Variants in CDH12 observed in about 807,000 individuals in gnomAD.
CDH12 encodes the protein cadherin-12.
In CDH12, 41 loss-of-function variants were observed where a neutral mutation model predicts 74.1. That is an observed-to-expected ratio of 0.55 (90% CI 0.43 to 0.72). CDH12 has a LOEUF of 0.72. Ranked by LOEUF, CDH12 falls within the 30% of genes least tolerant of loss-of-function variation. The probability of loss-of-function intolerance (pLI) is 0.00; values close to 1 mark genes in which losing one functional copy is unlikely to be tolerated. For missense variants in CDH12, 945 were observed against 977.2 expected (o/e 0.97, Z 0.44); for synonymous variants, 399 against 355.0 (o/e 1.12, Z -1.39).
intron 6 of CDH12, among the ~76,000 whole-genome samples, chr5:21,954,663 G>A (rs967743323): frequency 1.1e-4 from 17 of 151,958 alleles, no homozygotes; most frequent in Non-Finnish European, 2.4e-4. Flanking sequence ...TTGTGTGTGG[G>A]TGCACAATAG....
chr5:22,821,163 G>A (rs1749678908), intron 1 of CDH12, among the ~76,000 whole-genome samples: 1 of 151,970 alleles, frequency 6.6e-6, no homozygotes, highest in Non-Finnish European at 1.5e-5. Flanking sequence ...ATGCAGAAAA[G>A]GCCTTTGACA....
At chr5:22,504,182 G>A (rs911453351) in intron 2 of CDH12, among the ~76,000 whole-genome samples, 1 of 151,846 alleles carries the variant, frequency 6.6e-6, no homozygotes, top group African/African-American at 2.4e-5. Context: ...CATGGGGGGA[G>A]AGGAATTATT....
At chr5:22,643,564 C>T (rs1236506446) in intron 1 of CDH12, among the ~76,000 whole-genome samples, 1 of 152,020 alleles carries the variant, frequency 6.6e-6, no homozygotes, top group Non-Finnish European at 1.5e-5. Flanking sequence ...ACAACTTACT[C>T]AGCATATTCT....
chr5:22,709,250 G>A (rs985379536), intron 1 of CDH12, among the ~76,000 whole-genome samples: 11 of 151,984 alleles, frequency 7.2e-5, no homozygotes, highest in Admixed American at 2.0e-4. Context: ...AATAATAACC[G>A]GAAAAAGATG....
chr5:22,093,093 T>C (rs560500953), intron 4 of CDH12, among the ~76,000 whole-genome samples: 3 of 152,070 alleles, frequency 2.0e-5, no homozygotes, highest in South Asian at 2.1e-4. Context: ...TTTACACAAA[T>C]GATGTTATTA....
At chr5:21,974,120 G>A (rs977548243) in intron 6 of CDH12, among the ~76,000 whole-genome samples, 3 of 152,154 alleles carry the variant, frequency 2.0e-5, no homozygotes, top group Non-Finnish European at 4.4e-5. Flanking sequence ...TCAGGGTAGC[G>A]TGCACAATCT....
chr5:22,608,221 T>G (rs1213365888), intron 1 of CDH12, among the ~76,000 whole-genome samples: 1 of 152,222 alleles, frequency 6.6e-6, no homozygotes, highest in Non-Finnish European at 1.5e-5. Context: ...GCCACAGGGT[T>G]GGAGCTGCCC....
At chr5:22,524,093 C>A (rs938393853) in intron 1 of CDH12, among the ~76,000 whole-genome samples, 4 of 151,674 alleles carry the variant, frequency 2.6e-5, no homozygotes. Flanking sequence ...GGTGATCCAT[C>A]CACCCCAGCC....
chr5:22,340,879 C>T (rs558034259), intron 3 of CDH12, among the ~76,000 whole-genome samples: 1 of 152,124 alleles, frequency 6.6e-6, no homozygotes, highest in Non-Finnish European at 1.5e-5. Flanking sequence ...AATACCTACC[C>T]TTTTCAAAGA....
chr5:22,134,087 G>A (rs1383093745), intron 4 of CDH12, among the ~76,000 whole-genome samples: 1 of 152,040 alleles, frequency 6.6e-6, no homozygotes, highest in Non-Finnish European at 1.5e-5. Context: ...ATAATATTTT[G>A]TTTCATTATG....
At chr5:22,121,639 C>G (rs1396968219) in intron 4 of CDH12, among the ~76,000 whole-genome samples, 3 of 152,148 alleles carry the variant, frequency 2.0e-5, no homozygotes, top group Admixed American at 6.5e-5. Context: ...ATTGTAAATA[C>G]AGTATAAGCT....
chr5:22,283,474 T>A (rs1413248632), intron 3 of CDH12, among the ~76,000 whole-genome samples: 1 of 151,576 alleles, frequency 6.6e-6, no homozygotes, highest in African/African-American at 2.4e-5. Context: ...TGCAACAACA[T>A]GGATGAATTT....
At chr5:22,349,804 G>T (rs561490656) in intron 3 of CDH12, among the ~76,000 whole-genome samples, 2 of 152,162 alleles carry the variant, frequency 1.3e-5, no homozygotes, top group African/African-American at 4.8e-5. Flanking sequence ...GCGCAATCTC[G>T]GCTCACTGCA....
intron 1 of CDH12, among the ~76,000 whole-genome samples, chr5:22,543,459 A>C (rs1299784051): frequency 6.6e-6 from 1 of 152,146 alleles, no homozygotes. Flanking sequence ...AATATCATTT[A>C]CTCTAATAGT....
intron 1 of CDH12, among the ~76,000 whole-genome samples, chr5:22,806,780 A>G (rs1442075041): frequency 2.0e-5 from 3 of 152,088 alleles, no homozygotes; most frequent in African/African-American, 7.2e-5. Flanking sequence ...TCTTATTTTG[A>G]GAATTGTGTG....
chr5:22,269,141 G>A (rs1282852829), intron 3 of CDH12, among the ~76,000 whole-genome samples: 1 of 152,064 alleles, frequency 6.6e-6, no homozygotes, highest in Admixed American at 6.6e-5. Context: ...AATAATAAAT[G>A]TGCTTAAACA....
chr5:21,956,342 A>G (rs1756095131), intron 6 of CDH12, among the ~76,000 whole-genome samples: 1 of 152,050 alleles, frequency 6.6e-6, no homozygotes, highest in African/African-American at 2.4e-5. Context: ...ATTAAAATTA[A>G]TAAACTGGAA....
At chr5:22,725,536 T>G (rs1284326747) in intron 1 of CDH12, among the ~76,000 whole-genome samples, 1 of 151,752 alleles carries the variant, frequency 6.6e-6, no homozygotes, top group East Asian at 1.9e-4. Flanking sequence ...AGACTAAGTA[T>G]CTTATAAGCA....
At chr5:22,430,402 A>T (rs1012507975) in intron 2 of CDH12, among the ~76,000 whole-genome samples, 6 of 152,166 alleles carry the variant, frequency 3.9e-5, no homozygotes, top group African/African-American at 7.2e-5. Context: ...GTAAAAAAAA[A>T]ATCACATATA....
Sources: allele counts gnomAD v4.1 joint callset (sites outside exome capture counted in the v4.1 genomes callset), GRCh38; gene constraint gnomAD v4.1.1; transcripts MANE v1.5; gene names NCBI Gene and HGNC (gene_info 2026-07-23, HGNC 2026-07-21).